CFAP210: variants seen among roughly 807,000 people sequenced by gnomAD.
CFAP210 encodes the protein cilia- and flagella- associated protein 210.
chr2:169,675,606 C>T, the CFAP210 span, among the ~76,000 whole-genome samples: 1 of 152,080 alleles, frequency 6.6e-6, no homozygotes, highest in Non-Finnish European at 1.5e-5. Flanking sequence ...GAGAAATCTG[C>T]CCCCATGATC....
the CFAP210 span, among the ~76,000 whole-genome samples, chr2:169,649,800 G>A: frequency 9.5e-4 from 144 of 152,006 alleles, 1 homozygote; most frequent in African/African-American, 3.4e-3. Context: ...TCATGGTGGC[G>A]CATGCCTGTA....
chr2:169,658,068 G>A, the CFAP210 span: 10 of 152,112 alleles, frequency 6.6e-5, no homozygotes, highest in East Asian at 1.7e-3. Flanking sequence ...ATAGCAAGAC[G>A]AGGGAGTAAA....
chr2:169,656,504 AGG>A, the CFAP210 span, among the ~76,000 whole-genome samples: 1 of 87,010 alleles, frequency 1.1e-5, no homozygotes, highest in Non-Finnish European at 2.8e-5. Context: ...GTGCGGGAGG[AGG>A]AGGAGGAGGA....
the CFAP210 span, among the ~76,000 whole-genome samples, chr2:169,667,013 G>A: frequency 6.6e-6 from 1 of 152,154 alleles, no homozygotes; most frequent in Non-Finnish European, 1.5e-5. Flanking sequence ...CACCACATCT[G>A]CAGTTACTTT....
the CFAP210 span, among the ~76,000 whole-genome samples, chr2:169,693,408 AT>A: frequency 7.2e-5 from 11 of 152,250 alleles, no homozygotes; most frequent in African/African-American, 2.7e-4. Flanking sequence ...TTCCTTTTAC[AT>A]GGCAAAAGTC....
At chr2:169,691,495 C>T in the CFAP210 span, among the ~76,000 whole-genome samples, 1 of 152,100 alleles carries the variant, frequency 6.6e-6, no homozygotes, top group Admixed American at 6.6e-5. Flanking sequence ...CTTTTGTCCA[C>T]CCCTACTTCT....
At chr2:169,682,270 C>T in the CFAP210 span, among the ~76,000 whole-genome samples, 17,019 of 152,144 alleles carry the variant, frequency 0.11, 1,207 homozygotes, top group South Asian at 0.26. Flanking sequence ...GACTCAATCT[C>T]CTAGAGAGCC....
At chr2:169,646,358 AGTG>A in the CFAP210 span, among the ~76,000 whole-genome samples, 3 of 152,212 alleles carry the variant, frequency 2.0e-5, no homozygotes, top group African/African-American at 4.8e-5. Flanking sequence ...TCATGCTCAA[AGTG>A]GTGGTGCAAT....
the CFAP210 span, chr2:169,674,854 A>G: frequency 6.7e-7 from 1 of 1,499,136 alleles, no homozygotes; most frequent in Non-Finnish European, 8.8e-7. Flanking sequence ...ATACAAGAAA[A>G]CTCAAGTAGT....
chr2:169,666,551 G>C, the CFAP210 span, among the ~76,000 whole-genome samples: 1 of 150,326 alleles, frequency 6.7e-6, no homozygotes, highest in Non-Finnish European at 1.5e-5. Context: ...ACTAGAATTC[G>C]AGCTTCTTGA....
the CFAP210 span, among the ~76,000 whole-genome samples, chr2:169,685,256 A>G: frequency 6.6e-6 from 1 of 152,182 alleles, no homozygotes; most frequent in Non-Finnish European, 1.5e-5. Context: ...ATTTCTCCAC[A>G]TCCTTCCCAA....
the CFAP210 span, among the ~76,000 whole-genome samples, chr2:169,665,613 G>A: frequency 2.6e-5 from 4 of 152,174 alleles, no homozygotes; most frequent in Non-Finnish European, 5.9e-5. Context: ...ATAAAAATAC[G>A]TTGCCAGTGA....
chr2:169,689,561 T>C, the CFAP210 span, among the ~76,000 whole-genome samples: 5 of 152,236 alleles, frequency 3.3e-5, no homozygotes, highest in African/African-American at 1.2e-4. Context: ...TCTGTGAATA[T>C]AGAAAGTTTT....
At chr2:169,685,615 A>T in the CFAP210 span, among the ~76,000 whole-genome samples, 1 of 152,102 alleles carries the variant, frequency 6.6e-6, no homozygotes, top group Non-Finnish European at 1.5e-5. Context: ...AATTTTGAGG[A>T]AGGCCAAATC....
the CFAP210 span, chr2:169,645,759 G>C: frequency 2.3e-6 from 2 of 862,994 alleles, no homozygotes. Context: ...ATGAAGAACA[G>C]CTTTATTAAC....
chr2:169,653,569 T>C, the CFAP210 span, among the ~76,000 whole-genome samples: 1 of 149,470 alleles, frequency 6.7e-6, no homozygotes, highest in African/African-American at 2.5e-5. Flanking sequence ...AGCAATGTCC[T>C]CTAAATCTGA....
At chr2:169,681,725 T>C in the CFAP210 span, among the ~76,000 whole-genome samples, 3 of 152,198 alleles carry the variant, frequency 2.0e-5, no homozygotes. Flanking sequence ...GCCTAATTGG[T>C]TTAAGAACAC....
the CFAP210 span, chr2:169,650,377 T>TTCA: frequency 6.9e-6 from 11 of 1,603,680 alleles, no homozygotes; most frequent in African/African-American, 1.2e-4. Flanking sequence ...CTTTGTTTTT[T>TTCA]TCATCTTTTT....
chr2:169,678,328 C>A, the CFAP210 span, among the ~76,000 whole-genome samples: 31 of 101,958 alleles, frequency 3.0e-4, no homozygotes, highest in Non-Finnish European at 4.6e-4. Flanking sequence ...GCAACAAGAG[C>A]GAAACTCTGT....
Sources: gnomAD v4.1 joint callset for allele counts (sites outside exome capture counted in the v4.1 genomes callset) on GRCh38, gnomAD v4.1.1 for gene constraint, MANE v1.5 for transcripts, NCBI Gene and HGNC (gene_info 2026-07-23, HGNC 2026-07-21) for gene names.